Variants in CPA6 observed in about 807,000 individuals in gnomAD.
CPA6 encodes carboxypeptidase A6.
A neutral mutation model predicts 63.3 loss-of-function variants in CPA6; 58 were observed. That is an observed-to-expected ratio of 0.92 (90% CI 0.74 to 1.14). The LOEUF is 1.14. CPA6 is among the 50% of genes most tolerant of loss of function. The pLI, the probability that CPA6 is intolerant of heterozygous loss-of-function variation, is 0.00. For missense variants in CPA6, 565 were observed against 526.6 expected, an observed-to-expected ratio of 1.07 and a Z score of -0.71; for synonymous variants, 185 against 179.0, an observed-to-expected ratio of 1.03 and a Z score of -0.27.
intron 2 of CPA6, among the ~76,000 whole-genome samples, chr8:67,554,360 G>C (rs1813013490): frequency 6.6e-6 from 1 of 152,076 alleles, no homozygotes; most frequent in Admixed American, 6.6e-5. Flanking sequence ...TAAGAGAGGT[G>C]CTACACAATT....
chr8:67,532,707 A>G (rs1812503864), intron 2 of CPA6, among the ~76,000 whole-genome samples: 2 of 152,114 alleles, frequency 1.3e-5, no homozygotes, highest in Non-Finnish European at 2.9e-5. Context: ...AAATGAAAGG[A>G]ATAATTTCCT....
At chr8:67,573,529 C>CAA (rs56233522) in intron 2 of CPA6, among the ~76,000 whole-genome samples, 1 of 151,804 alleles carries the variant, frequency 6.6e-6, no homozygotes, top group African/African-American at 2.4e-5. Flanking sequence ...ACAATAGTTA[C>CAA]AAAAATGAAA....
In CPA6 at chr8:67,562,137, T is replaced by C. The variant is rs541810451; in HGVS notation, c.193-44090A>G. On this transcript the variant is annotated intron_variant, in intron 2 of 10. Coordinates refer to ENST00000297770, the MANE Select transcript of CPA6 (RefSeq NM_020361.5). ...GTCTTCTGCAGAGAGAAGAGCAGTG[T>C]CAATACGATGAGGGGAACCAGAAGC... Among the ~76,000 whole-genome samples the C allele has an allele frequency of 8.5e-5, 13 of 152,318 alleles. No homozygotes were observed. In the East Asian group the frequency reaches 1.5e-3, roughly 18 times the overall value.
chr8:67,732,963 G>A (rs1817735548), intron 1 of CPA6, among the ~76,000 whole-genome samples: 1 of 151,878 alleles, frequency 6.6e-6, no homozygotes, highest in Admixed American at 6.6e-5. Flanking sequence ...TTGGGAGGCT[G>A]AGGCGGGCGG....
intron 1 of CPA6, among the ~76,000 whole-genome samples, chr8:67,674,801 G>T (rs1816432612): frequency 6.6e-6 from 1 of 152,066 alleles, no homozygotes; most frequent in Admixed American, 6.5e-5. Flanking sequence ...ATTAGATAAA[G>T]AAAATGTGGT....
intron 6 of CPA6, among the ~76,000 whole-genome samples, chr8:67,504,621 A>G (rs1437714087): frequency 6.6e-6 from 1 of 152,170 alleles, no homozygotes; most frequent in Non-Finnish European, 1.5e-5. Context: ...CAGCCATGTG[A>G]GTGAGCTTGG....
chr8:67,546,631 C>T (rs1812823654), intron 2 of CPA6, among the ~76,000 whole-genome samples: 2 of 152,098 alleles, frequency 1.3e-5, no homozygotes, highest in East Asian at 1.9e-4. Context: ...ATTGCTGGGC[C>T]CCATGTCCAG....
intron 8 of CPA6, among the ~76,000 whole-genome samples, chr8:67,446,124 G>A (rs1390483392): frequency 6.6e-6 from 1 of 151,950 alleles, no homozygotes; most frequent in Admixed American, 6.6e-5. Flanking sequence ...AAATTAGCCG[G>A]GCGTGGTGGC....
At chr8:67,621,400 T>C (rs1310827943) in intron 2 of CPA6, among the ~76,000 whole-genome samples, 1 of 152,172 alleles carries the variant, frequency 6.6e-6, no homozygotes, top group Non-Finnish European at 1.5e-5. Flanking sequence ...ATGATCACAT[T>C]CTGAGTCTAG....
At chr8:67,734,710 A>G (rs560144951) in intron 1 of CPA6, among the ~76,000 whole-genome samples, 1 of 152,346 alleles carries the variant, frequency 6.6e-6, no homozygotes, top group East Asian at 1.9e-4. Context: ...GATGCCAAAT[A>G]TATTGCTATC....
chr8:67,634,496 G>A (rs1484767719), intron 1 of CPA6, among the ~76,000 whole-genome samples: 1 of 151,494 alleles, frequency 6.6e-6, no homozygotes, highest in African/African-American at 2.4e-5. Flanking sequence ...GGGATTACAG[G>A]CGTGAGCCAC....
intron 2 of CPA6, among the ~76,000 whole-genome samples, chr8:67,596,062 A>G (rs1186452953): frequency 6.6e-6 from 1 of 152,120 alleles, no homozygotes; most frequent in Non-Finnish European, 1.5e-5. Flanking sequence ...AGTGTTTTTA[A>G]ACGTTATCAT....
intron 1 of CPA6, among the ~76,000 whole-genome samples, chr8:67,715,765 AAAC>A (rs1344374578): frequency 1.3e-5 from 2 of 152,232 alleles, no homozygotes; most frequent in African/African-American, 2.4e-5. Context: ...CTTTAGAAGG[AAAC>A]AACATTTCTA....
At chr8:67,665,903 A>G (rs1202503468) in intron 1 of CPA6, among the ~76,000 whole-genome samples, 1 of 152,220 alleles carries the variant, frequency 6.6e-6, no homozygotes, top group Non-Finnish European at 1.5e-5. Context: ...ATTAAGGGTA[A>G]AGGTTTAGTG....
intron 1 of CPA6, among the ~76,000 whole-genome samples, chr8:67,684,015 A>G (rs1287880127): frequency 3.5e-5 from 5 of 144,176 alleles, no homozygotes; most frequent in African/African-American, 1.3e-4. Context: ...ATATATATAT[A>G]TATATATATA....
At chr8:67,545,880 A>G (rs777416270) in intron 2 of CPA6, among the ~76,000 whole-genome samples, 9 of 152,008 alleles carry the variant, frequency 5.9e-5, no homozygotes, top group Non-Finnish European at 1.3e-4. Flanking sequence ...ATCTTTCTAA[A>G]ATGCAGCCAC....
chr8:67,465,673 G>A (rs79614098), intron 8 of CPA6, among the ~76,000 whole-genome samples: 3,078 of 152,028 alleles, frequency 0.02, 101 homozygotes, highest in African/African-American at 0.07. Context: ...ATCATGAGGG[G>A]ATGCTGGATT....
At chr8:67,689,307 G>T (rs1010731319) in intron 1 of CPA6, among the ~76,000 whole-genome samples, 1 of 152,106 alleles carries the variant, frequency 6.6e-6, no homozygotes, top group Non-Finnish European at 1.5e-5. Context: ...AGATTCAGTG[G>T]GTACACATGC....
chr8:67,598,489 T>A (rs957076045), intron 2 of CPA6, among the ~76,000 whole-genome samples: 3 of 152,178 alleles, frequency 2.0e-5, no homozygotes, highest in African/African-American at 4.8e-5. Flanking sequence ...TTTGGTAATA[T>A]GGAAAAACAA....
Sources: allele counts gnomAD v4.1 joint callset (sites outside exome capture counted in the v4.1 genomes callset), GRCh38; gene constraint gnomAD v4.1.1; transcripts MANE v1.5; gene names NCBI Gene and HGNC (gene_info 2026-07-23, HGNC 2026-07-21).